Variants in BCAS3 observed in about 807,000 individuals in gnomAD.
BCAS3 encodes the protein BCAS3 microtubule associated cell migration factor, also known as BCAS4/BCAS3 fusion.
BCAS3 carries 53 observed loss-of-function variants against 116.1 expected under a neutral mutation model. The observed-to-expected ratio is 0.46, with a 90% CI of 0.37 to 0.57. BCAS3 has a LOEUF of 0.57. Among genes scored for constraint, BCAS3 ranks in the 20% least tolerant of loss-of-function variants. The probability of loss-of-function intolerance (pLI) is 0.00; values close to 1 mark genes in which losing one functional copy is unlikely to be tolerated. For missense variants in BCAS3, 917 were observed against 1,165.4 expected, an observed-to-expected ratio of 0.79 and a Z score of 3.10; for synonymous variants, 391 against 408.2, an observed-to-expected ratio of 0.96 and a Z score of 0.51.
intron 5 of BCAS3, among the ~76,000 whole-genome samples, chr17:60,720,538 A>G (rs939460422): frequency 6.6e-6 from 1 of 152,222 alleles, no homozygotes; most frequent in African/African-American, 2.4e-5. Context: ...AACAGTATAC[A>G]GTTGGCCCTG....
In BCAS3 at chr17:61,145,854, A is replaced by G. The variant is rs577985852; in HGVS notation, c.2425+61290A>G. On this transcript the variant is annotated intron_variant, in intron 22 of 23. Transcript: ENST00000407086. This position sits in a 1 kb window ranked among gnomAD's most constrained non-coding sequence, Gnocchi z 5.0. ...TTGATTTGAACTTCATGTACAAGAC[A>G]TATTTCATTTTTTTTTCTTCCCTCA... 5.0e-5 allele frequency among the ~76,000 whole-genome samples: 3 copies of G among 59,632 alleles called. No homozygotes were observed. The highest frequency in any genetic ancestry group is 1.1e-3 in the South Asian group (1 of 880). 39.1% of individuals were successfully genotyped at this position (59,632 alleles called of 152,430 possible).
At chr17:60,888,189 C>A (rs926265420) in intron 9 of BCAS3, among the ~76,000 whole-genome samples, 63 of 152,130 alleles carry the variant, frequency 4.1e-4, no homozygotes, top group Admixed American at 4.1e-3. Flanking sequence ...TACTGTAATT[C>A]TTGAGGTCCA....
At chr17:60,927,311 A>C (rs2059413777) in intron 13 of BCAS3, among the ~76,000 whole-genome samples, 1 of 149,758 alleles carries the variant, frequency 6.7e-6, no homozygotes, top group Non-Finnish European at 1.5e-5. Context: ...GCTGGAGTGC[A>C]GTGGCACGAT....
chr17:61,211,376 G>T lies in BCAS3; in HGVS notation c.2425+126812G>T, dbSNP rs2081449880. Among the ~76,000 whole-genome samples the T allele has an allele frequency of 6.6e-6, 1 of 152,152 alleles. No individual in the cohort carries two copies. On this transcript the variant is annotated intron_variant, in intron 22 of 23. Coordinates refer to ENST00000407086, the MANE Select transcript of BCAS3 (RefSeq NM_017679.5). The surrounding 1 kb of genome is among the most constrained non-coding windows in gnomAD (Gnocchi z 4.4). ...CCTCTTTGACAGTCATTCTCCCACT[G>T]TGTCCCTTTTGACTTCTTTTGTCAT... is the stretch of plus-strand genomic sequence containing the variant.
intron 22 of BCAS3, among the ~76,000 whole-genome samples, chr17:61,158,347 T>C (rs2077979707): frequency 6.6e-6 from 1 of 152,210 alleles, no homozygotes. Flanking sequence ...ATAGAATATG[T>C]GCATGACTTG....
At chr17:60,934,421 T>G (rs2059814809) in intron 13 of BCAS3, among the ~76,000 whole-genome samples, 1 of 152,246 alleles carries the variant, frequency 6.6e-6, no homozygotes, top group Non-Finnish European at 1.5e-5. Context: ...AAAATAGACC[T>G]GTCTACAACA....
Position 60,684,038 on chromosome 17 carries a change from T to A in BCAS3, c.138+2T>A. ...TTTCTGCAGGATGTTGTGCCACAGG[T>A]AAGTGTCTATATGTGCTTTCGCCTT... is the stretch of plus-strand genomic sequence containing the variant. On this transcript the variant is annotated splice_donor_variant, in intron 3 of 23. Coordinates refer to ENST00000407086, the MANE Select transcript of BCAS3 (RefSeq NM_017679.5). LOFTEE classifies it high-confidence loss of function. 6.2e-7 allele frequency: 1 copy of A among 1,613,448 alleles called. No individual in the cohort carries two copies. Among genetic ancestry groups the A allele is most frequent in the Non-Finnish European group, 8.5e-7 (1 of 1,179,548 alleles).
intron 5 of BCAS3, among the ~76,000 whole-genome samples, chr17:60,740,879 A>G (rs1357150449): frequency 2.0e-5 from 3 of 152,110 alleles, no homozygotes; most frequent in African/African-American, 7.2e-5. Context: ...TTTCACACCC[A>G]CTGCCAGAGG....
At chr17:60,727,248 T>A in intron 5 of BCAS3, 1 of 1,002,950 alleles carries the variant, frequency 1.0e-6, no homozygotes, top group Non-Finnish European at 1.6e-6. Flanking sequence ...ACCATCCTCT[T>A]GGATCTGCAG....
rs1439171800 is a variant in BCAS3 at position 61,012,465 on chromosome 17, T to C, written c.1487-3286T>C. Among the ~76,000 whole-genome samples, 1 of 152,120 alleles carries C rather than the reference T, an allele frequency of 6.6e-6. No individual in the cohort carries two copies. The highest frequency in any genetic ancestry group is 1.5e-5 in the Non-Finnish European group (1 of 67,962). On this transcript the variant is annotated intron_variant, in intron 15 of 23. Transcript: ENST00000407086. The surrounding 1 kb of genome is among the most constrained non-coding windows in gnomAD (Gnocchi z 4.5). ...CTGCTGAAACTACCCTACTGAAGAC[T>C]ATTAGAGTTAGCTTTTTCTCTGAGT...
intron 18 of BCAS3, among the ~76,000 whole-genome samples, chr17:61,038,310 C>G (rs901852825): frequency 6.8e-6 from 1 of 147,360 alleles, no homozygotes; most frequent in Admixed American, 6.8e-5. Flanking sequence ...CGGAGTCTCA[C>G]TCTGTCACCC....
intron 22 of BCAS3, among the ~76,000 whole-genome samples, chr17:61,271,544 C>T (rs2050269488): frequency 6.7e-6 from 1 of 150,340 alleles, no homozygotes; most frequent in African/African-American, 2.5e-5. Flanking sequence ...CTGCCTCAGC[C>T]TCCTGGGTAG....
chr17:60,867,107 T>G (rs1186900977), intron 7 of BCAS3, among the ~76,000 whole-genome samples: 5 of 147,022 alleles, frequency 3.4e-5, no homozygotes, highest in African/African-American at 5.4e-5. Flanking sequence ...TAGGTTTTTT[T>G]GTTTTTGTTT....
intron 22 of BCAS3, among the ~76,000 whole-genome samples, chr17:61,096,595 A>G (rs894763131): frequency 6.6e-6 from 1 of 152,148 alleles, no homozygotes; most frequent in Non-Finnish European, 1.5e-5. Context: ...AACTTTTCCA[A>G]ATTCGTTTAT....
intron 7 of BCAS3, among the ~76,000 whole-genome samples, chr17:60,847,732 A>T (rs544035911): frequency 2.0e-5 from 3 of 152,272 alleles, no homozygotes; most frequent in African/African-American, 7.2e-5. Context: ...CAATATATTC[A>T]GAATATTAGA....
chr17:61,176,850 C>T (rs1482110516), intron 22 of BCAS3, among the ~76,000 whole-genome samples: 4 of 152,154 alleles, frequency 2.6e-5, no homozygotes, highest in Admixed American at 1.3e-4. Context: ...CATGAGCCAC[C>T]GCACTCTGGC....
At chr17:60,860,083 C>T (rs1385923248) in intron 7 of BCAS3, among the ~76,000 whole-genome samples, 1 of 152,146 alleles carries the variant, frequency 6.6e-6, no homozygotes, top group African/African-American at 2.4e-5. Flanking sequence ...AACTGCTATC[C>T]ACGGTGGCTG....
intron 7 of BCAS3, among the ~76,000 whole-genome samples, chr17:60,814,846 G>A (rs946609024): frequency 3.9e-5 from 6 of 151,972 alleles, no homozygotes; most frequent in Non-Finnish European, 7.4e-5. Context: ...GAAAATTGTG[G>A]TCACTAATTT....
At chr17:60,936,347 G>A (rs1599804743) in intron 13 of BCAS3, among the ~76,000 whole-genome samples, 1 of 151,650 alleles carries the variant, frequency 6.6e-6, no homozygotes, top group African/African-American at 2.4e-5. Context: ...ATAGCAGCAT[G>A]ATTTATAATC....
Sources: gnomAD v4.1 joint callset for allele counts (sites outside exome capture counted in the v4.1 genomes callset) on GRCh38, gnomAD v4.1.1 for gene constraint, Gnocchi (gnomAD v3.1) non-coding constraint, MANE v1.5 for transcripts, NCBI Gene and HGNC (gene_info 2026-07-23, HGNC 2026-07-21) for gene names.